Variants in DOCK8 observed in about 807,000 individuals in gnomAD.
DOCK8 encodes dedicator of cytokinesis protein 8.
Under a neutral mutation model 245.6 loss-of-function variants are expected in DOCK8, and 141 were observed. The observed-to-expected ratio is 0.57, with a 90% CI of 0.50 to 0.66. DOCK8 has a LOEUF of 0.66. Ranked by LOEUF, DOCK8 falls within the 30% of genes least tolerant of loss-of-function variation. DOCK8 has a pLI of 0.00. For missense variants in DOCK8, 2,965 were observed against 2,603.4 expected, an observed-to-expected ratio of 1.14 and a Z score of -3.02; for synonymous variants, 1,168 against 970.2, an observed-to-expected ratio of 1.20 and a Z score of -3.79.
chr9:251,459 T>G (rs1423771710), intron 1 of DOCK8, among the ~76,000 whole-genome samples: 1 of 152,166 alleles, frequency 6.6e-6, no homozygotes, highest in Non-Finnish European at 1.5e-5. Flanking sequence ...CTCTTTTTAG[T>G]AGTCAGGGGC....
chr9:405,013 C>G lies in DOCK8; in HGVS notation c.3330C>G (p.Asn1110Lys). ...GCCATGAGCATTACCTCAATCTGAA[C>G]CTTTTTTTTATGAATGCTGATACTG... Reference protein sequence around the residue: ...LCSHEHYLNLNLFFMNADTAP... With the variant: ...LCSHEHYLNLKLFFMNADTAP... The change falls in exon 27 of 48, where the codon AAC becomes AAG. Residue 1110 changes from asparagine to lysine, a missense_variant. By Grantham distance (94) the Asn-to-Lys change is moderately conservative. Around this residue, in one of 3 missense-constraint regions of DOCK8, gnomAD observed 2,825 missense variants for 2,453.5 expected, o/e 1.15. Coordinates refer to ENST00000432829, the MANE Select transcript of DOCK8 (RefSeq NM_203447.4). The G allele has an allele frequency of 1.2e-6, 2 of 1,613,994 alleles. No homozygotes were observed. The highest frequency in any genetic ancestry group is 8.5e-7 in the Non-Finnish European group (1 of 1,179,940).
chr9:263,068 G>A lies in DOCK8; in HGVS notation c.54-8559G>A, dbSNP rs148280192. 7.7e-3 allele frequency among the ~76,000 whole-genome samples: 1,170 copies of A among 152,250 alleles called. 8 individuals are homozygous for A. The highest frequency in any genetic ancestry group is 0.013 in the Non-Finnish European group (863 of 68,008). The stretch of plus-strand genomic sequence containing the variant: ...CTAAGAATACAAAAATGAGCCGGGC[G>A]TGGTGGCAGGTGCCTGTAGTCTCAG... On this transcript the variant is annotated intron_variant, in intron 1 of 47. Transcript: ENST00000432829.
chr9:448,407 T>G (rs2057330671), intron 44 of DOCK8, among the ~76,000 whole-genome samples: 1 of 152,224 alleles, frequency 6.6e-6, no homozygotes, highest in Non-Finnish European at 1.5e-5. Flanking sequence ...TGCACCAGCC[T>G]GAAGTTTTCT....
At chr9:421,845 C>T (rs2056291759) in intron 32 of DOCK8, among the ~76,000 whole-genome samples, 1 of 152,104 alleles carries the variant, frequency 6.6e-6, no homozygotes, top group Non-Finnish European at 1.5e-5. Flanking sequence ...AGAGGTTCTT[C>T]TTATATTCTA....
intron 4 of DOCK8, 92 bp from the exon 5 acceptor site, chr9:304,489 C>T: frequency 6.5e-7 from 1 of 1,544,570 alleles, no homozygotes; most frequent in Admixed American, 1.7e-5. Flanking sequence ...AGCACCATGT[C>T]TACACTTAAG....
intron 1 of DOCK8, among the ~76,000 whole-genome samples, chr9:222,373 C>T (rs1431981053): frequency 6.6e-6 from 1 of 152,080 alleles, no homozygotes; most frequent in Non-Finnish European, 1.5e-5. Flanking sequence ...GTGCAAACAC[C>T]TCCTTACAAA....
chr9:425,325 G>C (rs2056440812), intron 33 of DOCK8, among the ~76,000 whole-genome samples: 1 of 152,090 alleles, frequency 6.6e-6, no homozygotes, highest in Non-Finnish European at 1.5e-5. Context: ...GAGGTCAGGA[G>C]ATCGAGACCA....
chr9:236,806 G>C (rs780692736), intron 1 of DOCK8, among the ~76,000 whole-genome samples: 1 of 152,178 alleles, frequency 6.6e-6, no homozygotes, highest in Non-Finnish European at 1.5e-5. Flanking sequence ...CCATCTTACA[G>C]CTCTACCATC....
At chr9:364,739 AGTGGGTG>A (rs2052895214) in intron 14 of DOCK8, among the ~76,000 whole-genome samples, 1 of 151,886 alleles carries the variant, frequency 6.6e-6, no homozygotes. Flanking sequence ...GCAATGATAT[AGTGGGTG>A]GTTGCTATTC....
intron 1 of DOCK8, among the ~76,000 whole-genome samples, chr9:229,641 A>C (rs1455567206): frequency 6.6e-6 from 1 of 152,128 alleles, no homozygotes; most frequent in Non-Finnish European, 1.5e-5. Flanking sequence ...TTACCAAATA[A>C]GCTTAGAAAC....
At chr9:347,033 T>C (rs1438209622) in intron 14 of DOCK8, among the ~76,000 whole-genome samples, 1 of 152,046 alleles carries the variant, frequency 6.6e-6, no homozygotes, top group Non-Finnish European at 1.5e-5. Context: ...GAAGGAAGGG[T>C]GGTTGTGCAT....
chr9:442,088 C>T, intron 42 of DOCK8, 79 bp downstream of exon 42: 2 of 1,577,614 alleles, frequency 1.3e-6, no homozygotes, highest in Non-Finnish European at 1.7e-6. Context: ...CAAAAATAAA[C>T]AAATAAAGAG....
intron 34 of DOCK8, 81 bp downstream of exon 34, chr9:427,062 G>C: frequency 8.1e-7 from 1 of 1,227,610 alleles, no homozygotes; most frequent in Non-Finnish European, 1.2e-6. Context: ...GCAAAATTGT[G>C]AAAGACATAA....
intron 14 of DOCK8, among the ~76,000 whole-genome samples, chr9:342,579 C>G (rs994639626): frequency 1.3e-5 from 2 of 152,056 alleles, no homozygotes; most frequent in African/African-American, 4.8e-5. Context: ...AAACGATTCT[C>G]CTGACTCAGC....
Position 453,873 on chromosome 9 carries a change from G to A in DOCK8, c.6068+1756G>A, listed in dbSNP as rs941068668. ...ATTATGGTTGAATGCTTCCAAAGTT[G>A]ACTATGCCCCAGGACCTCTAAAAGG... is the stretch of plus-strand genomic sequence containing the variant. On this transcript the variant is annotated intron_variant, in intron 46 of 47. Transcript: ENST00000432829. Among the ~76,000 whole-genome samples, 28 of 152,016 alleles carry A rather than the reference G, an allele frequency of 1.8e-4. 1 individual carries two copies. The highest frequency in any genetic ancestry group is 6.3e-4 in the African/African-American group (26 of 41,372).
chr9:308,279 A>G (rs1387666210), intron 5 of DOCK8, among the ~76,000 whole-genome samples: 1 of 152,268 alleles, frequency 6.6e-6, no homozygotes, highest in East Asian at 1.9e-4. Flanking sequence ...ATCATTACAC[A>G]TTGTACACAG....
intron 28 of DOCK8, among the ~76,000 whole-genome samples, chr9:411,460 A>T (rs758291221): frequency 6.6e-6 from 1 of 152,078 alleles, no homozygotes; most frequent in African/African-American, 2.4e-5. Flanking sequence ...AAAACTTCCT[A>T]CAATAAAAGC....
At position 312,073 on chromosome 9, in the gene DOCK8, A is replaced by C; in HGVS notation, c.648A>C (p.Gln216His). ...AGCGGCTAGAAAACCTCCTGCAGCA[A>C]GTGAGTGCCGAGGACTTTGAGAAGC... is the stretch of plus-strand genomic sequence containing the variant. Reference protein sequence around the residue: ...PDKRLENLLQQVSAEDFEKQN... With the variant: ...PDKRLENLLQHVSAEDFEKQN... Residue 216 changes from glutamine (Q) to histidine (H), a missense_variant, in exon 6 of 48, where the codon CAA (glutamine) becomes CAC (histidine). Gln to His is a conservative substitution (Grantham distance 24). Around this residue, in one of 3 missense-constraint regions of DOCK8, gnomAD observed 2,825 missense variants for 2,453.5 expected, o/e 1.15. Coordinates refer to ENST00000432829, the MANE Select transcript of DOCK8 (RefSeq NM_203447.4). The C allele has an allele frequency of 6.2e-7, 1 of 1,614,216 alleles. No homozygotes were observed. The highest frequency in any genetic ancestry group is 8.5e-7 in the Non-Finnish European group (1 of 1,180,034).
chr9:459,225 G>A (rs763058624), intron 46 of DOCK8, among the ~76,000 whole-genome samples: 3 of 152,264 alleles, frequency 2.0e-5, no homozygotes, highest in Admixed American at 1.3e-4. Flanking sequence ...TTTTCCAAGC[G>A]ATGTGGCTAT....
Sources: allele counts gnomAD v4.1 joint callset (sites outside exome capture counted in the v4.1 genomes callset), GRCh38; gene constraint gnomAD v4.1.1; regional missense constraint gnomAD v4.1.1; transcripts MANE v1.5; gene names NCBI Gene and HGNC (gene_info 2026-07-23, HGNC 2026-07-21).